STAC: variants seen among roughly 807,000 people sequenced by gnomAD.
STAC encodes the protein SH3 and cysteine-rich domain-containing protein.
In STAC, 43 loss-of-function variants were observed where a neutral mutation model predicts 48.8. The ratio of observed to expected loss-of-function variants is 0.88; its 90% confidence interval spans 0.69 to 1.14. The LOEUF is 1.14. STAC is among the 50% of genes most tolerant of loss of function. The pLI, the probability that STAC is intolerant of heterozygous loss-of-function variation, is 0.00. For missense variants in STAC, 497 were observed against 504.0 expected, an observed-to-expected ratio of 0.99 and a Z score of 0.13; for synonymous variants, 193 against 179.5, an observed-to-expected ratio of 1.07 and a Z score of -0.60.
chr3:36,434,544 T>G (rs1263380231), intron 1 of STAC, among the ~76,000 whole-genome samples: 1 of 152,166 alleles, frequency 6.6e-6, no homozygotes, highest in African/African-American at 2.4e-5. Context: ...CAAGGAAATG[T>G]CTGTATAGTG....
At chr3:36,395,405 A>G (rs910707475) in intron 1 of STAC, among the ~76,000 whole-genome samples, 1 of 152,156 alleles carries the variant, frequency 6.6e-6, no homozygotes. Context: ...GAAAGAGAAA[A>G]GAGCAGACAT....
chr3:36,401,871 G>C lies in STAC; in HGVS notation c.111+21117G>C, dbSNP rs1339116873. ...TCTGCAGCATGATCATCATGGCACA[G>C]TTTGGCAGAACAAGAGAAAGGGAAG... is the stretch of plus-strand genomic sequence containing the variant. On this transcript the variant is annotated intron_variant, in intron 1 of 10. Transcript: ENST00000273183. Among the ~76,000 whole-genome samples, 4 of 152,184 alleles carry C rather than the reference G, an allele frequency of 2.6e-5. No individual in the cohort carries two copies. In the East Asian group the frequency reaches 7.7e-4, roughly 29 times the overall value.
chr3:36,390,451 C>CTTTTTTTTTTTTTTTTTTTTTTTTT lies in STAC; in HGVS notation c.111+9718_111+9719insTTTTTTTTTTTTTTTTTTTTTTTTT, dbSNP rs59589769. 6.9e-4 allele frequency among the ~76,000 whole-genome samples: 56 copies of CTTTTTTTTTTTTTTTTTTTTTTTTT among 80,842 alleles called. 1 individual carries two copies. The highest frequency in any genetic ancestry group is 8.0e-4 in the Admixed American group (5 of 6,226). The allele number at this position is 80,842 out of a possible 152,430, so 53.0% of individuals were successfully genotyped here. On this transcript the variant is annotated intron_variant, in intron 1 of 10. Coordinates refer to ENST00000273183, the MANE Select transcript of STAC (RefSeq NM_003149.3). ...GAAGTAATCATGTGATTTTTCTTTTCTTTTTTTTTTTTTTTTTTTTTGTCC... is the reference window on the plus strand; with the variant it reads ...GAAGTAATCATGTGATTTTTCTTTTCTTTTTTTTTTTTTTTTTTTTTTTTTTTTTTTTTTTTTTTTTTTTTTGTCC...
intron 1 of STAC, among the ~76,000 whole-genome samples, chr3:36,391,470 C>T (rs1344343291): frequency 1.3e-5 from 2 of 152,224 alleles, no homozygotes; most frequent in Non-Finnish European, 2.9e-5. Context: ...TATCCTGCTG[C>T]CCTTTGGACA....
At position 36,546,810 on chromosome 3, in the gene STAC, C is replaced by T. The variant is rs1397937053; in HGVS notation, c.*521C>T. On this transcript the variant is annotated 3_prime_UTR_variant, in exon 11 of 11. Transcript: ENST00000273183. ...CAGCCCCCAGCATTCCAGTGCTCTC[C>T]AGGCTTCCTCTCTTTGTGATTGTGC... is the stretch of plus-strand genomic sequence containing the variant. The T allele has an allele frequency of 1.3e-5, 2 of 157,192 alleles. No individual in the cohort carries two copies. Among genetic ancestry groups the T allele is most frequent in the African/African-American group, 4.8e-5 (2 of 41,562 alleles). 9.7% of individuals were successfully genotyped at this position (157,192 alleles called of 1,614,324 possible). A position where few individuals can be genotyped will look rare whatever the true frequency, so the allele number is the denominator to read the frequency against.
At chr3:36,528,051 G>GT (rs1384891831) in intron 8 of STAC, among the ~76,000 whole-genome samples, 2 of 152,230 alleles carry the variant, frequency 1.3e-5, no homozygotes, top group African/African-American at 4.8e-5. Flanking sequence ...ATAAATGTAA[G>GT]TGTGTGGGAA....
intron 2 of STAC, among the ~76,000 whole-genome samples, chr3:36,447,671 AC>A (rs1696548942): frequency 6.6e-6 from 1 of 151,982 alleles, no homozygotes; most frequent in Non-Finnish European, 1.5e-5. Flanking sequence ...ACACACACAC[AC>A]ACACACACAC....
rs1699481434 is a variant in STAC, at chr3:36,547,790, C to T, written c.*1501C>T. ...GCTGGTTTCACAGAAGTTTGGATGC[C>T]TTACTCTTATCTTAAAGCCAGCATC... On this transcript the variant is annotated 3_prime_UTR_variant, in exon 11 of 11. Transcript: ENST00000273183. 2 of 152,264 alleles carry T rather than the reference C, an allele frequency of 1.3e-5. No individual in the cohort carries two copies. Among genetic ancestry groups the T allele is most frequent in the East Asian group, 1.9e-4 (1 of 5,174 alleles). The allele number at this position is 152,264 out of a possible 1,614,324, so 9.4% of individuals were successfully genotyped here. A position where few individuals can be genotyped will look rare whatever the true frequency, so the allele number is the denominator to read the frequency against.
intron 1 of STAC, among the ~76,000 whole-genome samples, chr3:36,409,058 G>T (rs1700140193): frequency 6.6e-6 from 1 of 152,204 alleles, no homozygotes; most frequent in African/African-American, 2.4e-5. Context: ...AAAGTAGACA[G>T]AAGCTGCCTC....
At chr3:36,545,653 G>T (rs942924477) in intron 10 of STAC, among the ~76,000 whole-genome samples, 1 of 152,190 alleles carries the variant, frequency 6.6e-6, no homozygotes, top group African/African-American at 2.4e-5. Context: ...CCTTTTTAAA[G>T]TCTAGCATAG....
At chr3:36,465,697 C>A (rs1203874468) in intron 2 of STAC, among the ~76,000 whole-genome samples, 1 of 152,116 alleles carries the variant, frequency 6.6e-6, no homozygotes, top group African/African-American at 2.4e-5. Flanking sequence ...AGCTGAGGTG[C>A]AAGGAGAGCC....
chr3:36,505,100 G>A (rs565381883), intron 7 of STAC, among the ~76,000 whole-genome samples: 1 of 152,012 alleles, frequency 6.6e-6, no homozygotes, highest in Non-Finnish European at 1.5e-5. Flanking sequence ...TCTACCTAAC[G>A]GAGTTGTTGT....
rs1008553451 is a variant in STAC at position 36,538,845 on chromosome 3, C to A, written c.1111-7346C>A. ...CTTACATTATTTAAAAAGTTTTCTA[C>A]CTTTGAAGAATATTTATGTCTGCTG... On this transcript the variant is annotated intron_variant, in intron 10 of 10. Coordinates refer to ENST00000273183, the MANE Select transcript of STAC (RefSeq NM_003149.3). Among the ~76,000 whole-genome samples, 12 of 152,170 alleles carry A rather than the reference C, an allele frequency of 7.9e-5. No individual in the cohort carries two copies. In the East Asian group the frequency reaches 2.3e-3, roughly 29 times the overall value.
chr3:36,395,839 C>T (rs145964460), intron 1 of STAC, among the ~76,000 whole-genome samples: 105 of 152,036 alleles, frequency 6.9e-4, no homozygotes, highest in Admixed American at 1.0e-3. Flanking sequence ...TTTAAATCTC[C>T]TCATGTAGCA....
At chr3:36,398,657 AAAGGAAGG>A (rs150269082) in intron 1 of STAC, among the ~76,000 whole-genome samples, 1 of 102,294 alleles carries the variant, frequency 9.8e-6, no homozygotes, top group Admixed American at 1.0e-4. Context: ...AAAGAGAAAG[AAAGGAAGG>A]AAGGAAGGAA....
chr3:36,505,402 C>T (rs2125713701), intron 7 of STAC, among the ~76,000 whole-genome samples: 1 of 151,920 alleles, frequency 6.6e-6, no homozygotes, highest in Middle Eastern at 3.4e-3. Context: ...TTCATGTGTC[C>T]CTCTTTCTTT....
chr3:36,486,086 G>A (rs1303420405), intron 4 of STAC, 48 bp from the exon 5 acceptor site: 1 of 1,464,364 alleles, frequency 6.8e-7, no homozygotes, highest in South Asian at 1.2e-5. Flanking sequence ...CAGTTGGCTG[G>A]GTCCTCTCAG....
chr3:36,421,386 T>C (rs908882829), intron 1 of STAC, among the ~76,000 whole-genome samples: 10 of 152,154 alleles, frequency 6.6e-5, no homozygotes, highest in East Asian at 1.9e-4. Context: ...TAAATAATCA[T>C]CTATGATTAT....
At chr3:36,507,281 G>T (rs183776723) in intron 8 of STAC, among the ~76,000 whole-genome samples, 1 of 152,150 alleles carries the variant, frequency 6.6e-6, no homozygotes, top group African/African-American at 2.4e-5. Flanking sequence ...ACTTGATCGA[G>T]GTGGATAAGC....
Sources: gnomAD v4.1 joint callset for allele counts (sites outside exome capture counted in the v4.1 genomes callset) on GRCh38, gnomAD v4.1.1 for gene constraint, MANE v1.5 for transcripts, NCBI Gene and HGNC (gene_info 2026-07-23, HGNC 2026-07-21) for gene names.